PDZD2: variants seen among roughly 807,000 people sequenced by gnomAD.
The protein encoded by PDZD2 is PDZ domain-containing protein 2.
A neutral mutation model predicts 220.7 loss-of-function variants in PDZD2; 90 were observed. That is an observed-to-expected ratio of 0.41 (90% CI 0.34 to 0.49). The LOEUF (loss-of-function observed/expected upper bound fraction) is 0.49, where lower values mean the gene tolerates loss of function less well. Ranked by LOEUF, PDZD2 falls within the 20% of genes least tolerant of loss-of-function variation. PDZD2 has a pLI of 0.28. For missense variants in PDZD2, 3,174 were observed against 3,608.5 expected, an observed-to-expected ratio of 0.88 and a Z score of 3.08; for synonymous variants, 1,375 against 1,450.5, an observed-to-expected ratio of 0.95 and a Z score of 1.18.
intron 6 of PDZD2, among the ~76,000 whole-genome samples, chr5:32,011,019 A>AAAC (rs1753268050): frequency 6.7e-6 from 1 of 150,372 alleles, no homozygotes; most frequent in African/African-American, 2.5e-5. Flanking sequence ...AAAAAAAAAA[A>AAAC]AAACAACAAC....
intron 2 of PDZD2, among the ~76,000 whole-genome samples, chr5:31,889,738 G>T (rs1561544943): frequency 1.3e-5 from 2 of 152,098 alleles, no homozygotes; most frequent in African/African-American, 4.8e-5. Context: ...ACACACGGGG[G>T]CCGGGTGCAG....
At chr5:31,944,994 G>T (rs1032098981) in intron 2 of PDZD2, among the ~76,000 whole-genome samples, 3 of 152,208 alleles carry the variant, frequency 2.0e-5, no homozygotes, top group Non-Finnish European at 2.9e-5. Flanking sequence ...TGTGTATATG[G>T]CTTTCTTCTT....
At chr5:31,872,853 G>A (rs982304954) in intron 2 of PDZD2, among the ~76,000 whole-genome samples, 4 of 152,018 alleles carry the variant, frequency 2.6e-5, no homozygotes, top group African/African-American at 9.7e-5. Flanking sequence ...ATACGATGAT[G>A]GTCCCATATG....
chr5:31,986,514 A>G (rs925678846), intron 3 of PDZD2, among the ~76,000 whole-genome samples: 2 of 152,188 alleles, frequency 1.3e-5, no homozygotes, highest in African/African-American at 2.4e-5. Context: ...TGGCACCAAA[A>G]TTGGAACCAA....
rs188496970 is a variant in PDZD2, at chr5:31,933,961, G to T, written c.477-49194G>T. On this transcript the variant is annotated intron_variant, in intron 2 of 24. Transcript: ENST00000438447. ...CTTGCTGAATTCTGGTGTATGCTAC[G>T]TGGCTCGTTTTGTGAGTAAATGTAG... Among the ~76,000 whole-genome samples the T allele has an allele frequency of 1.6e-4, 24 of 152,252 alleles. No homozygotes were observed. The East Asian group carries it at 4.6e-3, about 29-fold the overall frequency.
chr5:31,975,747 A>T lies in PDZD2; in HGVS notation c.477-7408A>T, dbSNP rs150881872. On this transcript the variant is annotated intron_variant, in intron 2 of 24. Coordinates refer to ENST00000438447, the MANE Select transcript of PDZD2 (RefSeq NM_178140.4). ...CCTTTCTTTATTAGCAAAGAAATCGATTATCTTCAGGAAAGGTATTATGAG... is the reference window on the plus strand; with the variant it reads ...CCTTTCTTTATTAGCAAAGAAATCGTTTATCTTCAGGAAAGGTATTATGAG... Among the ~76,000 whole-genome samples, 14 of 144,920 alleles carry T rather than the reference A, an allele frequency of 9.7e-5. No individual in the cohort carries two copies. The East Asian group carries it at 2.6e-3, about 27-fold the overall frequency.
In PDZD2 at chr5:31,909,842, C is replaced by T. The variant is rs372344645; in HGVS notation, c.477-73313C>T. Among the ~76,000 whole-genome samples the T allele has an allele frequency of 9.2e-5, 14 of 152,202 alleles. No individual in the cohort carries two copies. The East Asian group carries it at 2.3e-3, about 25-fold the overall frequency. On this transcript the variant is annotated intron_variant, in intron 2 of 24. Coordinates refer to ENST00000438447, the MANE Select transcript of PDZD2 (RefSeq NM_178140.4). ...CTGAGTCAGTTTTAAGGGTGTATTG[C>T]GTTCCATCTTTATTATTTGAAAGAC...
Position 31,878,531 on chromosome 5 carries a change from T to C in PDZD2, c.476+78807T>C, listed in dbSNP as rs183540896. ...GAGCATGGACACGTACAGGTCCTTT[T>C]CTTTGGTGGTCAGATGACCTCGGCT... On this transcript the variant is annotated intron_variant, in intron 2 of 24. Transcript: ENST00000438447. Among the ~76,000 whole-genome samples the C allele has an allele frequency of 2.0e-5, 3 of 147,214 alleles. No individual in the cohort carries two copies. The Admixed American group carries it at 2.1e-4, about 10-fold the overall frequency.
At chr5:31,752,703 C>T (rs2150179236) in intron 1 of PDZD2, among the ~76,000 whole-genome samples, 1 of 152,282 alleles carries the variant, frequency 6.6e-6, no homozygotes, top group African/African-American at 2.4e-5. Flanking sequence ...GCATGAGCCA[C>T]CATGCTTGTC....
At chr5:31,949,985 A>G (rs1178083415) in intron 2 of PDZD2, among the ~76,000 whole-genome samples, 1 of 151,878 alleles carries the variant, frequency 6.6e-6, no homozygotes, top group Non-Finnish European at 1.5e-5. Flanking sequence ...CCCGGCTGCC[A>G]TTTTTAAATT....
chr5:31,733,332 G>T (rs1320020066), intron 1 of PDZD2, among the ~76,000 whole-genome samples: 1 of 152,194 alleles, frequency 6.6e-6, no homozygotes, highest in Non-Finnish European at 1.5e-5. Context: ...AATCCTGGGG[G>T]TTCAAATGGT....
intron 5 of PDZD2, among the ~76,000 whole-genome samples, chr5:32,006,958 C>T (rs1304029362): frequency 3.5e-5 from 5 of 141,752 alleles, no homozygotes; most frequent in African/African-American, 1.1e-4. Context: ...CTCTGTCTCC[C>T]AGGCTGGAGT....
Position 32,090,684 on chromosome 5 carries a change from C to T in PDZD2, c.7236C>T (p.Pro2412=). 6.2e-7 allele frequency: 1 copy of T among 1,614,188 alleles called. No homozygotes were observed. The highest frequency in any genetic ancestry group is 1.3e-5 in the African/African-American group (1 of 75,046). The change falls in exon 20 of 25, where the codon CCC becomes CCT. Residue 2412 remains proline (P), a synonymous_variant. Transcript: ENST00000438447. The surrounding 1 kb of genome is among the most constrained non-coding windows in gnomAD (Gnocchi z 4.3). The part of the protein sequence containing the change: ...ENQSEAGTLL[P]QMAKSPSIMT... ...AAAGCGAAGCCGGCACCCTCCTGCC[C>T]CAGATGGCCAAGTCTCCCTCAATCA...
At chr5:31,644,615 G>A (rs368527695) in intron 1 of PDZD2, among the ~76,000 whole-genome samples, 9 of 152,262 alleles carry the variant, frequency 5.9e-5, no homozygotes, top group African/African-American at 1.7e-4. Context: ...ACCCCCGGCC[G>A]TGGCTTCTCT....
At chr5:31,903,314 TTAAAA>T (rs937109694) in intron 2 of PDZD2, among the ~76,000 whole-genome samples, 40 of 151,554 alleles carry the variant, frequency 2.6e-4, no homozygotes, top group African/African-American at 9.2e-4. Context: ...AAAATTAAAA[TTAAAA>T]TAAAAAAATA....
chr5:31,948,854 T>A lies in PDZD2; in HGVS notation c.477-34301T>A, dbSNP rs952354434. Among the ~76,000 whole-genome samples, 6 of 152,156 alleles carry A rather than the reference T, an allele frequency of 3.9e-5. No individual in the cohort carries two copies. The South Asian group carries it at 1.0e-3, about 26-fold the overall frequency. ...TGGCTCATGCCTGTAATCCCAGCAC[T>A]TTGGGAGGCCAAGGAGGGTGGATCG... On this transcript the variant is annotated intron_variant, in intron 2 of 24. Transcript: ENST00000438447.
chr5:31,990,948 G>T (rs1751161298), intron 3 of PDZD2, among the ~76,000 whole-genome samples: 1 of 152,204 alleles, frequency 6.6e-6, no homozygotes, highest in African/African-American at 2.4e-5. Context: ...TGAGGATTGA[G>T]TGTCAGAAAA....
At chr5:31,834,137 A>T (rs1227625405) in intron 2 of PDZD2, among the ~76,000 whole-genome samples, 2 of 152,240 alleles carry the variant, frequency 1.3e-5, no homozygotes, top group Admixed American at 6.5e-5. Context: ...AAGCTAAGCC[A>T]GGTTTTGTTG....
At chr5:31,877,471 G>A (rs990371593) in intron 2 of PDZD2, among the ~76,000 whole-genome samples, 2 of 151,832 alleles carry the variant, frequency 1.3e-5, no homozygotes, top group Admixed American at 1.3e-4. Context: ...TGTCTCCCTC[G>A]GCCTCTCAAA....
Sources: gnomAD v4.1 joint callset for allele counts (sites outside exome capture counted in the v4.1 genomes callset) on GRCh38, gnomAD v4.1.1 for gene constraint, Gnocchi (gnomAD v3.1) non-coding constraint, MANE v1.5 for transcripts, NCBI Gene and HGNC (gene_info 2026-07-23, HGNC 2026-07-21) for gene names.